PKHD1L1: variants seen among roughly 807,000 people sequenced by gnomAD.
PKHD1L1 encodes the protein PKHD1 like 1.
A neutral mutation model predicts 462.9 loss-of-function variants in PKHD1L1; 434 were observed. That is an observed-to-expected ratio of 0.94 (90% CI 0.87 to 1.02). The LOEUF (loss-of-function observed/expected upper bound fraction) is 1.02. Ranked by LOEUF, PKHD1L1 falls within the 50% of genes least tolerant of loss-of-function variation. The pLI, the probability that PKHD1L1 is intolerant of heterozygous loss-of-function variation, is 0.00. For synonymous variants in PKHD1L1, 1,781 were observed against 1,750.0 expected (o/e 1.02, Z -0.44); for missense variants, 5,202 against 5,096.1 (o/e 1.02, Z -0.63).
At chr8:109,396,310 C>T (rs1354432947) in intron 11 of PKHD1L1, among the ~76,000 whole-genome samples, 173 bp downstream of exon 11, 1 of 152,118 alleles carries the variant, frequency 6.6e-6, no homozygotes, top group Admixed American at 6.5e-5. Flanking sequence ...TTGCAGTTTT[C>T]CAGCAAGGGT....
Position 109,362,560 on chromosome 8 carries a change from C to G in PKHD1L1, c.-21C>G, listed in dbSNP as rs1364503572. On this transcript the variant is annotated 5_prime_UTR_variant, in exon 1 of 78. Coordinates refer to ENST00000378402, the MANE Select transcript of PKHD1L1 (RefSeq NM_177531.6). The stretch of plus-strand genomic sequence containing the variant: ...GCCAGCTGCGAGCGGAGGGCACCAA[C>G]TCCGCAGAACTGGCTTTTCAATGGG... 1 of 1,595,712 alleles carries G rather than the reference C, an allele frequency of 6.3e-7. No individual in the cohort carries two copies. The highest frequency in any genetic ancestry group is 1.3e-5 in the African/African-American group (1 of 74,756).
chr8:109,383,316 T>C (rs1366807686), intron 4 of PKHD1L1, among the ~76,000 whole-genome samples: 2 of 108,672 alleles, frequency 1.8e-5, no homozygotes, highest in African/African-American at 7.5e-5. Context: ...TTATACATAA[T>C]ATATAATTAA....
At chr8:109,410,687 A>C (rs2130592374) in intron 19 of PKHD1L1, among the ~76,000 whole-genome samples, 1 of 133,974 alleles carries the variant, frequency 7.5e-6, no homozygotes, top group East Asian at 2.2e-4. Context: ...AAATCATGTA[A>C]TTTTGTTGGT....
At chr8:109,376,778 T>G (rs1811859234) in intron 2 of PKHD1L1, among the ~76,000 whole-genome samples, 1 of 152,150 alleles carries the variant, frequency 6.6e-6, no homozygotes, top group African/African-American at 2.4e-5. Flanking sequence ...TAACTATCCA[T>G]TAAGATAGAT....
chr8:109,464,382 T>C lies in PKHD1L1; in HGVS notation c.7550T>C (p.Ile2517Thr). 1 of 1,613,376 alleles carries C rather than the reference T, an allele frequency of 6.2e-7. No homozygotes were observed. Among genetic ancestry groups the C allele is most frequent in the East Asian group, 2.2e-5 (1 of 44,840 alleles). ...NTHHLLVERN[I>T]IYDIKGGAFF... The stretch of plus-strand genomic sequence containing the variant: ...CACCATCTTCTGGTTGAGAGGAATA[T>C]TATATATGATATTAAGGGAGGAGCA... The change falls in exon 49 of 78, where the codon ATT becomes ACT. Residue 2517 changes from isoleucine to threonine, a missense_variant. Transcript: ENST00000378402.
At chr8:109,437,505 C>T (rs903719162) in intron 30 of PKHD1L1, among the ~76,000 whole-genome samples, 9 of 128,116 alleles carry the variant, frequency 7.0e-5, no homozygotes, top group South Asian at 2.8e-4. Flanking sequence ...CCCCCCACCC[C>T]ACAACAGGCC....
At chr8:109,522,576 A>G (rs932438794) in intron 74 of PKHD1L1, among the ~76,000 whole-genome samples, 168 bp from the exon 75 acceptor site, 1 of 152,244 alleles carries the variant, frequency 6.6e-6, no homozygotes, top group East Asian at 1.9e-4. Flanking sequence ...TATTTATAAC[A>G]ATGCTTCATA....
chr8:109,499,738 C>T (rs1392600461), intron 67 of PKHD1L1, among the ~76,000 whole-genome samples: 1 of 152,076 alleles, frequency 6.6e-6, no homozygotes, highest in Admixed American at 6.5e-5. Flanking sequence ...TAGATGAGGA[C>T]TTTCATATTA....
In PKHD1L1 at chr8:109,419,233, C is replaced by T. The variant is rs150678272; in HGVS notation, c.2497C>T (p.His833Tyr). The T allele has an allele frequency of 1.8e-4, 284 of 1,608,300 alleles. 2 individuals are homozygous for T. The East Asian group carries it at 6.2e-3, about 35-fold the overall frequency. The change falls in exon 22 of 78, where the codon CAC becomes TAC. Residue 833 changes from histidine to tyrosine, a missense_variant. His to Tyr is a moderately conservative substitution (Grantham distance 83). This residue lies in a region of PKHD1L1 where 4,497 missense variants were observed against 4,336.8 expected (regional missense o/e 1.04). Coordinates refer to ENST00000378402, the MANE Select transcript of PKHD1L1 (RefSeq NM_177531.6). Reference sequence around the variant, plus strand: ...CTATGTGGATGTAGTGTACATTGGACACACATCTACAATCTCAACATTGGA... The same window carrying T: ...CTATGTGGATGTAGTGTACATTGGATACACATCTACAATCTCAACATTGGA... ...SFYVDVVYIG[H>Y]TSTISTLDEM...
At chr8:109,374,511 A>G (rs1432905323) in intron 2 of PKHD1L1, among the ~76,000 whole-genome samples, 4 of 152,122 alleles carry the variant, frequency 2.6e-5, no homozygotes, top group Non-Finnish European at 5.9e-5. Flanking sequence ...TTTAAGGTTT[A>G]TATTGTTATG....
chr8:109,442,303 A>C, intron 35 of PKHD1L1, 108 bp downstream of exon 35: 2 of 1,084,348 alleles, frequency 1.8e-6, no homozygotes, highest in Non-Finnish European at 2.6e-6. Context: ...TAATATACAC[A>C]AATGCGTAAG....
At chr8:109,452,381 A>T in intron 42 of PKHD1L1, 101 bp downstream of exon 42, 1 of 1,106,218 alleles carries the variant, frequency 9.0e-7, no homozygotes, top group Admixed American at 3.2e-5. Flanking sequence ...GTCTCCAAAA[A>T]AATAACTGAG....
At chr8:109,366,147 T>TTTTAAA (rs2130300341) in intron 2 of PKHD1L1, among the ~76,000 whole-genome samples, 1 of 152,320 alleles carries the variant, frequency 6.6e-6, no homozygotes, top group South Asian at 2.1e-4. Flanking sequence ...CTTTTAAATC[T>TTTTAAA]AGCTAAAATG....
At chr8:109,450,561 T>C (rs1311427575) in intron 40 of PKHD1L1, among the ~76,000 whole-genome samples, 3 of 152,238 alleles carry the variant, frequency 2.0e-5, no homozygotes, top group African/African-American at 7.2e-5. Context: ...CTTCTCGTTA[T>C]GTTTTTGCAT....
chr8:109,525,070 A>C (rs572656885), intron 76 of PKHD1L1, among the ~76,000 whole-genome samples: 8 of 152,290 alleles, frequency 5.3e-5, no homozygotes, highest in Admixed American at 2.6e-4. Context: ...TTAGTGAGAA[A>C]ATTAACAAAA....
At chr8:109,423,330 T>G (rs765755536) in intron 23 of PKHD1L1, among the ~76,000 whole-genome samples, 4 of 152,162 alleles carry the variant, frequency 2.6e-5, no homozygotes, top group Non-Finnish European at 5.9e-5. Flanking sequence ...GATTTTTCGT[T>G]GAGGTTCATT....
intron 49 of PKHD1L1, among the ~76,000 whole-genome samples, 177 bp from the exon 50 acceptor site, chr8:109,466,401 C>T (rs1817439642): frequency 6.6e-6 from 1 of 152,094 alleles, no homozygotes; most frequent in South Asian, 2.1e-4. Context: ...ACCAAAGAGC[C>T]ACTGCAAAGC....
intron 25 of PKHD1L1, among the ~76,000 whole-genome samples, chr8:109,428,015 C>T (rs1476806506): frequency 9.9e-6 from 1 of 101,232 alleles, no homozygotes; most frequent in African/African-American, 4.0e-5. Context: ...AAGAGCAAAA[C>T]TCCGTCTCAA....
At chr8:109,435,092 TA>T in intron 28 of PKHD1L1, 97 bp from the exon 29 acceptor site, 1 of 1,297,150 alleles carries the variant, frequency 7.7e-7, no homozygotes, top group Non-Finnish European at 1.1e-6. Context: ...TCGTGAGATC[TA>T]AAAATGAAGG....
Sources: allele counts gnomAD v4.1 joint callset (sites outside exome capture counted in the v4.1 genomes callset), GRCh38; gene constraint gnomAD v4.1.1; regional missense constraint gnomAD v4.1.1; transcripts MANE v1.5; gene names NCBI Gene and HGNC (gene_info 2026-07-23, HGNC 2026-07-21).